TACC1: variants seen among roughly 807,000 people sequenced by gnomAD.
TACC1 encodes transforming acidic coiled-coil-containing protein 1.
Under a neutral mutation model 84.4 loss-of-function variants are expected in TACC1, and 48 were observed. The ratio of observed to expected loss-of-function variants is 0.57; its 90% CI spans 0.45 to 0.72. The LOEUF (loss-of-function observed/expected upper bound fraction) is 0.72. TACC1 is among the 30% of genes least tolerant of loss of function. The pLI, the probability that TACC1 is intolerant of heterozygous loss-of-function variation, is 0.00. For missense variants in TACC1, 920 were observed against 973.0 expected (o/e 0.95, Z 0.72); for synonymous variants, 372 against 376.3 (o/e 0.99, Z 0.13).
intron 6 of TACC1, among the ~76,000 whole-genome samples, chr8:38,833,594 C>T (rs145226181): frequency 1.3e-5 from 2 of 152,318 alleles, no homozygotes; most frequent in East Asian, 1.9e-4. Flanking sequence ...TGATCTCCTA[C>T]CGCCTGCTCA....
intron 3 of TACC1, among the ~76,000 whole-genome samples, chr8:38,779,680 G>A (rs940817157): frequency 2.0e-5 from 3 of 152,200 alleles, no homozygotes; most frequent in African/African-American, 7.2e-5. Context: ...GAAGAGGAGA[G>A]GGAGAGACTG....
intron 3 of TACC1, among the ~76,000 whole-genome samples, chr8:38,764,010 C>A (rs1428989574): frequency 6.6e-6 from 1 of 152,094 alleles, no homozygotes; most frequent in Non-Finnish European, 1.5e-5. Context: ...TGCCAAATTT[C>A]CCTCCTCCCC....
Position 38,819,567 on chromosome 8 carries a change from AATGTTCATCTAAGAC to A in TACC1, c.324_338del (p.Lys108_Thr113delinsAsn). The stretch of plus-strand genomic sequence containing the variant: ...CAGCTTGTAGCAGAAGTGGTTGAAA[AATGTTCATCTAAGAC>A]TTGTTCTAAACCTTCAGAAAATGAA... On this transcript the variant is annotated inframe_deletion, in exon 3 of 13. Coordinates refer to ENST00000317827, the MANE Select transcript of TACC1 (RefSeq NM_006283.3). 2 of 1,613,194 alleles carry A rather than the reference AATGTTCATCTAAGAC, an allele frequency of 1.2e-6. No homozygotes were observed. Among genetic ancestry groups the A allele is most frequent in the South Asian group, 2.2e-5 (2 of 91,082 alleles).
At chr8:38,778,710 C>A (rs949320134) in intron 3 of TACC1, among the ~76,000 whole-genome samples, 3 of 152,176 alleles carry the variant, frequency 2.0e-5, no homozygotes, top group African/African-American at 7.2e-5. Context: ...CAGGCCTTGG[C>A]AACCTGTTTG....
At chr8:38,841,355 G>C (rs1376071392) in intron 9 of TACC1, among the ~76,000 whole-genome samples, 4 of 152,110 alleles carry the variant, frequency 2.6e-5, no homozygotes, top group Non-Finnish European at 5.9e-5. Context: ...TTAAAACAGT[G>C]AAGTCTCCGG....
At chr8:38,807,459 G>A (rs1330134711) in intron 2 of TACC1, among the ~76,000 whole-genome samples, 1 of 152,206 alleles carries the variant, frequency 6.6e-6, no homozygotes, top group Non-Finnish European at 1.5e-5. Context: ...CTATCTAAAG[G>A]AGAGGAAGTG....
At chr8:38,834,666 G>C (rs1214381084) in intron 6 of TACC1, among the ~76,000 whole-genome samples, 1 of 152,152 alleles carries the variant, frequency 6.6e-6, no homozygotes, top group Non-Finnish European at 1.5e-5. Flanking sequence ...TGTGGCCTGA[G>C]ACAGGTTTCT....
At chr8:38,820,742 G>T in intron 3 of TACC1, 107 bp downstream of exon 3, 1 of 1,449,802 alleles carries the variant, frequency 6.9e-7, no homozygotes, top group Non-Finnish European at 9.3e-7. Context: ...GAGGTGCACC[G>T]AGGTTCATAC....
chr8:38,783,673 G>A (rs1403436628), upstream of TACC1, among the ~76,000 whole-genome samples: 1 of 152,116 alleles, frequency 6.6e-6, no homozygotes, highest in Admixed American at 6.6e-5. Flanking sequence ...TGCCTGCCTT[G>A]GCCTCCCAAA....
intron 2 of TACC1, among the ~76,000 whole-genome samples, chr8:38,815,119 T>G (rs1297642969): frequency 1.3e-5 from 2 of 152,148 alleles, no homozygotes; most frequent in African/African-American, 4.8e-5. Context: ...TGCCACACCA[T>G]CCACTCCTGC....
chr8:38,785,073 T>C (rs575144379), upstream of TACC1, among the ~76,000 whole-genome samples: 10 of 139,360 alleles, frequency 7.2e-5, no homozygotes, highest in East Asian at 2.2e-3. Flanking sequence ...CTTCCCCCTG[T>C]AGACACTTGA....
chr8:38,815,298 A>G (rs1825175182), intron 2 of TACC1, among the ~76,000 whole-genome samples: 1 of 152,224 alleles, frequency 6.6e-6, no homozygotes, highest in South Asian at 2.1e-4. Flanking sequence ...ACTTATTTCC[A>G]TATCACCATT....
At chr8:38,825,399 T>A in intron 4 of TACC1, 31 bp downstream of exon 4, 4 of 1,613,158 alleles carry the variant, frequency 2.5e-6, no homozygotes, top group Non-Finnish European at 3.4e-6. Flanking sequence ...AGAATGTCTC[T>A]GAGACCAGGG....
At chr8:38,777,853 C>A (rs11782799) in intron 3 of TACC1, among the ~76,000 whole-genome samples, 28,783 of 152,152 alleles carry the variant, frequency 0.19, 3,406 homozygotes, top group Non-Finnish European at 0.27. Context: ...GCTCACATCC[C>A]ATGGGTGAGA....
chr8:38,846,262 T>G, intron 11 of TACC1: 1 of 117,524 alleles, frequency 8.5e-6, no homozygotes, highest in African/African-American at 3.3e-5. Flanking sequence ...CCAGCCTGGG[T>G]GACAGAGCGA....
intron 3 of TACC1, among the ~76,000 whole-genome samples, chr8:38,761,522 G>A (rs1230129795): frequency 6.6e-6 from 1 of 152,216 alleles, no homozygotes; most frequent in Non-Finnish European, 1.5e-5. Context: ...GCAACAGCTA[G>A]GGTGAAGTGC....
intron 1 of TACC1, among the ~76,000 whole-genome samples, chr8:38,732,930 C>A (rs73609094): frequency 2.0e-4 from 31 of 152,266 alleles, no homozygotes; most frequent in Admixed American, 1.7e-3. Context: ...GGACAAGAGT[C>A]ATAACTCTTG....
intron 2 of TACC1, among the ~76,000 whole-genome samples, chr8:38,806,715 G>C (rs1332250894): frequency 2.6e-5 from 4 of 152,096 alleles, no homozygotes; most frequent in Non-Finnish European, 5.9e-5. Context: ...ATGTATCAGT[G>C]GCTAACCTGT....
chr8:38,730,577 C>T lies in TACC1; in HGVS notation c.-675+1906C>T, dbSNP rs139481724. ...ATGACCCCCACTCTGCTGTGTGGAGCGGAAAGGAAGAGCCACTGAGTGACT... is the reference window on the plus strand; with the variant it reads ...ATGACCCCCACTCTGCTGTGTGGAGTGGAAAGGAAGAGCCACTGAGTGACT... On this transcript the variant is annotated intron_variant, in intron 1 of 14. Transcript: ENST00000518415. Among the ~76,000 whole-genome samples the T allele has an allele frequency of 5.0e-3, 757 of 152,268 alleles. 6 individuals are homozygous for T. The highest frequency in any genetic ancestry group is 0.017 in the African/African-American group (724 of 41,538).
Sources: gnomAD v4.1 joint callset for allele counts (sites outside exome capture counted in the v4.1 genomes callset) on GRCh38, gnomAD v4.1.1 for gene constraint, MANE v1.5 for transcripts, NCBI Gene and HGNC (gene_info 2026-07-23, HGNC 2026-07-21) for gene names.